Variants in HOXC4 observed in about 807,000 individuals in gnomAD.
The protein encoded by HOXC4 is homeobox protein Hox-C4.
Under a neutral mutation model 25.5 loss-of-function variants are expected in HOXC4, and 15 were observed. The observed-to-expected ratio is 0.59, with a 90% CI of 0.39 to 0.91. The LOEUF (loss-of-function observed/expected upper bound fraction) is 0.91, where lower values mean the gene tolerates loss of function less well. Ranked by LOEUF, HOXC4 falls within the 40% of genes least tolerant of loss-of-function variation. HOXC4 has a pLI of 0.00. For synonymous variants in HOXC4, 165 were observed against 148.0 expected (o/e 1.11, Z -0.83); for missense variants, 342 against 352.4 (o/e 0.97, Z 0.24).
chr12:54,044,522 C>CT (rs1937651443), intron 1 of HOXC4, among the ~76,000 whole-genome samples: 1 of 152,170 alleles, frequency 6.6e-6, no homozygotes, highest in Admixed American at 6.5e-5. Context: ...CCCTGTCACT[C>CT]TTTCCCCAAG....
intron 1 of HOXC4, chr12:54,019,996 C>G (rs186620932): frequency 6.6e-6 from 1 of 152,102 alleles, no homozygotes; most frequent in Admixed American, 6.6e-5. Context: ...TAAACTGGAC[C>G]CCAGTGGACT....
chr12:54,035,245 C>T (rs1161639089), intron 1 of HOXC4: 1 of 152,810 alleles, frequency 6.5e-6, no homozygotes, highest in Admixed American at 6.5e-5. Flanking sequence ...TCCCATAGTC[C>T]CTGCCACGAA....
rs60894549 is a variant in HOXC4, at chr12:54,055,285, AATAT to A, written c.*104_*107del. The A allele has an allele frequency of 8.5e-3, 1,934 of 227,184 alleles. No homozygotes were observed. Among genetic ancestry groups the A allele is most frequent in the East Asian group, 0.019 (220 of 11,492 alleles). The allele number at this position is 227,184 out of a possible 1,614,324, so 14.1% of individuals were successfully genotyped here. A position where few individuals can be genotyped will look rare whatever the true frequency, so the allele number is the denominator to read the frequency against. On this transcript the variant is annotated 3_prime_UTR_variant, in exon 2 of 2. Transcript: ENST00000430889. ...AAATTGACTCTTATTTATAGAATTT[AATAT>A]ATATATATATATATATATATATAGG...
chr12:54,052,310 G>A (rs1392430655), upstream of HOXC4, among the ~76,000 whole-genome samples: 1 of 152,198 alleles, frequency 6.6e-6, no homozygotes, highest in Non-Finnish European at 1.5e-5. Context: ...GTAGCGACGA[G>A]GCAAGCGCTC....
intron 1 of HOXC4, among the ~76,000 whole-genome samples, chr12:54,026,641 A>G (rs1940711232): frequency 6.6e-6 from 1 of 152,110 alleles, no homozygotes. Flanking sequence ...TCTAAAACCA[A>G]CACAAATTGT....
upstream of HOXC4, among the ~76,000 whole-genome samples, chr12:54,049,306 A>C (rs7297416): frequency 0.34 from 52,048 of 152,074 alleles, 9,348 homozygotes; most frequent in East Asian, 0.61. Flanking sequence ...ATGGCAGTGA[A>C]CTATTGGAAC....
chr12:54,028,770 G>A, intron 1 of HOXC4: 1 of 1,614,124 alleles, frequency 6.2e-7, no homozygotes, highest in Non-Finnish European at 8.5e-7. Context: ...AGAAAGACAT[G>A]CTCTCAAACT....
In HOXC4 at chr12:54,033,801, T is replaced by G. The variant is rs182797202; in HGVS notation, c.-124+16387T>G. 3.8e-3 allele frequency: 2,169 copies of G among 572,834 alleles called. 9 individuals carry two copies. The highest frequency in any genetic ancestry group is 7.8e-3 in the Admixed American group (231 of 29,698). 35.5% of individuals were successfully genotyped at this position (572,834 alleles called of 1,614,324 possible). A position where few individuals can be genotyped will look rare whatever the true frequency, so the allele number is the denominator to read the frequency against. On this transcript the variant is annotated intron_variant, in intron 1 of 3. Coordinates refer to the HOXC4 transcript ENST00000303406. ...TGTATAAAAGGCAATATTCAATTTT[T>G]GGGGGAGAGGGAGGGAGTTAAAAAA... is the stretch of plus-strand genomic sequence containing the variant.
At chr12:54,027,471 A>C (rs3889697) in intron 1 of HOXC4, among the ~76,000 whole-genome samples, 10,261 of 152,230 alleles carry the variant, frequency 0.067, 840 homozygotes, top group East Asian at 0.2. Flanking sequence ...ATTACCCCAC[A>C]GGCCCTCACT....
At position 54,054,318 on chromosome 12, in the gene HOXC4, A is replaced by G. The variant is rs774162537; in HGVS notation, c.396A>G (p.Gln132=). ...PDHPSSAASK[Q]PIVYPWMKKI... Reference sequence around the variant, plus strand: ...ATCCCTCCAGCGCCGCCAGCAAGCAACCCATAGTCTACCCATGGATGAAAA... The same window carrying G: ...ATCCCTCCAGCGCCGCCAGCAAGCAGCCCATAGTCTACCCATGGATGAAAA... Residue 132 remains glutamine (Q), a synonymous_variant, in exon 1 of 2, where the codon CAA becomes CAG. Transcript: ENST00000430889. 6.2e-6 allele frequency: 10 copies of G among 1,602,368 alleles called. No homozygotes were observed. In the African/African-American group the frequency reaches 1.1e-4, roughly 17 times the overall value.
intron 1 of HOXC4, among the ~76,000 whole-genome samples, chr12:54,036,017 T>C (rs569687383): frequency 6.6e-6 from 1 of 152,116 alleles, no homozygotes; most frequent in South Asian, 2.1e-4. Context: ...GCAGGACAAT[T>C]AACTGGGAAA....
At chr12:54,028,474 GA>G (rs768343504) in intron 1 of HOXC4, 2 of 1,574,396 alleles carry the variant, frequency 1.3e-6, no homozygotes, top group Non-Finnish European at 1.7e-6. Flanking sequence ...ACTGGAGACA[GA>G]AATAAATATT....
chr12:54,037,787 G>A (rs1331356528), intron 1 of HOXC4: 1 of 152,238 alleles, frequency 6.6e-6, no homozygotes, highest in Non-Finnish European at 1.5e-5. Context: ...AAGCCCGTGA[G>A]TGGCTCTTGG....
upstream of HOXC4, among the ~76,000 whole-genome samples, chr12:54,048,916 T>C (rs1937781205): frequency 6.6e-6 from 1 of 152,174 alleles, no homozygotes; most frequent in Non-Finnish European, 1.5e-5. Flanking sequence ...CAGCAAGAAA[T>C]TCAGGTCACC....
Position 54,055,079 on chromosome 12 carries a change from G to A in HOXC4, c.669G>A (p.Arg223=). ...ACCGACTCCCCAACACCAAAGTCAG[G>A]TCAGCACCCCCGGCCGGCGCTGCGC... ...KDHRLPNTKV[R]SAPPAGAAPS... is the part of the protein sequence containing the mutation. The change falls in exon 2 of 2, where the codon AGG becomes AGA. Residue 223 remains arginine (R), a synonymous_variant. Coordinates refer to ENST00000430889, the MANE Select transcript of HOXC4 (RefSeq NM_153633.3). 3 of 1,613,488 alleles carry A rather than the reference G, an allele frequency of 1.9e-6. No individual in the cohort carries two copies. The African/African-American group carries it at 4.0e-5, about 22-fold the overall frequency.
At chr12:54,032,286 C>T (rs921384714) in intron 1 of HOXC4, among the ~76,000 whole-genome samples, 2 of 152,212 alleles carry the variant, frequency 1.3e-5, no homozygotes, top group Admixed American at 1.3e-4. Flanking sequence ...AGCTTCATGA[C>T]CCCCCTATCT....
At position 54,029,403 on chromosome 12, in the gene HOXC4, GC is replaced by G. The variant is rs1234645036; in HGVS notation, c.-124+11996del. ...CAGCTTTCTGTTTGCCTTTTGCCCC[GC>G]CCCCCCGCCCCCCCCCCCACCACAC... On this transcript the variant is annotated intron_variant, in intron 1 of 3. Coordinates refer to the HOXC4 transcript ENST00000303406. 3.9e-4 allele frequency among the ~76,000 whole-genome samples: 23 copies of G among 58,862 alleles called. 1 individual carries two copies. The highest frequency in any genetic ancestry group is 1.1e-3 in the African/African-American group (17 of 15,754). The allele number at this position is 58,862 out of a possible 152,430, so 38.6% of individuals were successfully genotyped here. A position where few individuals can be genotyped will look rare whatever the true frequency, so the allele number is the denominator to read the frequency against.
chr12:54,049,187 C>G (rs987897473), upstream of HOXC4, among the ~76,000 whole-genome samples: 4 of 152,158 alleles, frequency 2.6e-5, no homozygotes, highest in African/African-American at 9.7e-5. Flanking sequence ...TAGCCCAGGG[C>G]CTTCATTTTT....
At chr12:54,039,772 G>A (rs1038902894) in intron 1 of HOXC4, among the ~76,000 whole-genome samples, 1 of 152,018 alleles carries the variant, frequency 6.6e-6, no homozygotes, top group African/African-American at 2.4e-5. Context: ...GGGAGCGAGT[G>A]CAGTGGTCTT....
Sources: gnomAD v4.1 joint callset for allele counts (sites outside exome capture counted in the v4.1 genomes callset) on GRCh38, gnomAD v4.1.1 for gene constraint, MANE v1.5 for transcripts, NCBI Gene and HGNC (gene_info 2026-07-23, HGNC 2026-07-21) for gene names.